UBA6: variants seen among roughly 807,000 people sequenced by gnomAD.
UBA6 encodes the protein ubiquitin-like modifier-activating enzyme 6.
In UBA6, 87 loss-of-function variants were observed where a neutral mutation model predicts 148.3. The observed-to-expected ratio is 0.59, with a 90% confidence interval of 0.49 to 0.70. UBA6 has a LOEUF of 0.70. Ranked by LOEUF, UBA6 falls within the 30% of genes least tolerant of loss-of-function variation. The probability of loss-of-function intolerance (pLI) is 0.00; values close to 1 mark genes in which losing one functional copy is unlikely to be tolerated. For synonymous variants in UBA6, 376 were observed against 401.0 expected (o/e 0.94, Z 0.75); for missense variants, 1,186 against 1,241.2 (o/e 0.96, Z 0.67).
At chr4:67,680,619 C>A (rs1227025806) in intron 4 of UBA6, among the ~76,000 whole-genome samples, 2 of 152,276 alleles carry the variant, frequency 1.3e-5, no homozygotes, top group East Asian at 3.9e-4. Flanking sequence ...TCTAACTAGA[C>A]ATTTGATGAC....
At chr4:67,700,642 T>C (rs1221236597) in intron 1 of UBA6, among the ~76,000 whole-genome samples, 1 of 152,020 alleles carries the variant, frequency 6.6e-6, no homozygotes, top group African/African-American at 2.4e-5. Flanking sequence ...AGGATCTCAG[T>C]GGAGGTGCAC....
intron 13 of UBA6, among the ~76,000 whole-genome samples, chr4:67,652,494 A>G (rs1729575514): frequency 6.6e-6 from 1 of 152,208 alleles, no homozygotes; most frequent in Admixed American, 6.5e-5. Context: ...GAGAATACAA[A>G]ACGGTACAGC....
At chr4:67,674,693 C>T (rs188920599) in intron 6 of UBA6, among the ~76,000 whole-genome samples, 3 of 152,318 alleles carry the variant, frequency 2.0e-5, no homozygotes, top group Admixed American at 1.3e-4. Context: ...CGACCCATCA[C>T]ATATTGAATC....
chr4:67,650,272 T>C (rs1364604634), intron 13 of UBA6, among the ~76,000 whole-genome samples: 1 of 152,172 alleles, frequency 6.6e-6, no homozygotes, highest in African/African-American at 2.4e-5. Flanking sequence ...ATAATTTCTA[T>C]TATACAAGTA....
intron 6 of UBA6, among the ~76,000 whole-genome samples, chr4:67,675,854 T>C (rs1008957659): frequency 3.3e-5 from 5 of 152,184 alleles, no homozygotes; most frequent in African/African-American, 9.6e-5. Flanking sequence ...CTTGGTCATA[T>C]TGAGCTGCTT....
At chr4:67,700,195 T>C (rs1730943744) in intron 1 of UBA6, among the ~76,000 whole-genome samples, 1 of 152,218 alleles carries the variant, frequency 6.6e-6, no homozygotes, top group African/African-American at 2.4e-5. Flanking sequence ...ACTCTGGCAG[T>C]GTTGGCAATG....
chr4:67,663,992 TA>T, intron 10 of UBA6, 45 bp from the exon 11 acceptor site: 8 of 1,490,190 alleles, frequency 5.4e-6, no homozygotes, highest in Non-Finnish European at 7.4e-6. Context: ...AGTGAGTGAT[TA>T]TTTGACAAAA....
chr4:67,697,110 A>T (rs1730860724), intron 1 of UBA6, among the ~76,000 whole-genome samples: 1 of 152,052 alleles, frequency 6.6e-6, no homozygotes, highest in African/African-American at 2.4e-5. Flanking sequence ...GTTTCAGACG[A>T]TTTTCATGCC....
rs563970825 is a variant in UBA6 at position 67,672,530 on chromosome 4, T to G, written c.546+1167A>C. Among the ~76,000 whole-genome samples the G allele has an allele frequency of 3.3e-5, 5 of 152,290 alleles. No homozygotes were observed. The South Asian group carries it at 1.0e-3, about 32-fold the overall frequency. ...CATACAGCAAGCCATAGTGATCCTTTAAAAATATAAAACAGATTAAAACTC... is the reference window on the plus strand; with the variant it reads ...CATACAGCAAGCCATAGTGATCCTTGAAAAATATAAAACAGATTAAAACTC... On this transcript the variant is annotated intron_variant, in intron 7 of 32. Coordinates refer to ENST00000322244, the MANE Select transcript of UBA6 (RefSeq NM_018227.6).
At chr4:67,686,069 ATTGTTAC>A (rs1427935396) in intron 2 of UBA6, among the ~76,000 whole-genome samples, 1 of 152,254 alleles carries the variant, frequency 6.6e-6, no homozygotes, top group Non-Finnish European at 1.5e-5. Context: ...CAAGTCCAGC[ATTGTTAC>A]ATTACAGCTG....
At chr4:67,648,250 C>T (rs765399583) in intron 14 of UBA6, among the ~76,000 whole-genome samples, 9 of 151,148 alleles carry the variant, frequency 6.0e-5, no homozygotes, top group African/African-American at 9.7e-5. Flanking sequence ...GGGTGGATCA[C>T]GAAGTCAGGA....
rs1198416833 is a variant in UBA6 at position 67,619,009 on chromosome 4, A to G, written c.3147T>C (p.His1049=). 3.1e-6 allele frequency: 5 copies of G among 1,613,844 alleles called. No homozygotes were observed. Among genetic ancestry groups the G allele is most frequent in the South Asian group, 1.1e-5 (1 of 91,030 alleles). The change falls in exon 33 of 33, where the codon CAT becomes CAC. Residue 1049 remains histidine, a synonymous_variant. Transcript: ENST00000322244. The stretch of plus-strand genomic sequence containing the variant: ...AAGACAACTTGTATTAATCAGTGTC[A>G]TGACTGAAGTAGTATCTTACTGGAG... ...PGPPVRYYFS[H]DTD
chr4:67,649,371 A>G (rs1219365099), intron 13 of UBA6, among the ~76,000 whole-genome samples, 160 bp from the exon 14 acceptor site: 1 of 152,114 alleles, frequency 6.6e-6, no homozygotes, highest in Non-Finnish European at 1.5e-5. Flanking sequence ...ATGATAACAG[A>G]CCCATTTGCG....
rs141650435 is a variant in UBA6, at chr4:67,648,099, T to C, written c.1248+969A>G. ...AACGGTCATCTTTAAACCAGATTTTTACTAATGTACTTGTATTCTGTGTTG... is the reference window on the plus strand; with the variant it reads ...AACGGTCATCTTTAAACCAGATTTTCACTAATGTACTTGTATTCTGTGTTG... On this transcript the variant is annotated intron_variant, in intron 14 of 32. Coordinates refer to ENST00000322244, the MANE Select transcript of UBA6 (RefSeq NM_018227.6). 9.9e-4 allele frequency among the ~76,000 whole-genome samples: 150 copies of C among 152,000 alleles called. 3 individuals carry two copies. The East Asian group carries it at 0.027, about 28-fold the overall frequency.
At chr4:67,696,749 A>C in intron 1 of UBA6, 42 bp from the exon 2 acceptor site, 2 of 1,499,046 alleles carry the variant, frequency 1.3e-6, no homozygotes, top group Non-Finnish European at 1.8e-6. Context: ...ACATTTTATA[A>C]TGTAATATTT....
At chr4:67,644,879 G>C in intron 16 of UBA6, 101 bp from the exon 17 acceptor site, 1 of 489,056 alleles carries the variant, frequency 2.0e-6, no homozygotes, top group Non-Finnish European at 3.7e-6. Flanking sequence ...CTGTTTCAAC[G>C]AAAAAAAAAA....
At chr4:67,622,775 G>T in intron 32 of UBA6, 56 bp downstream of exon 32, 1 of 1,219,602 alleles carries the variant, frequency 8.2e-7, no homozygotes, top group Non-Finnish European at 1.2e-6. Context: ...TTTTTAGTGT[G>T]CATCAACTTA....
At chr4:67,686,889 G>A (rs1730577858) in intron 2 of UBA6, among the ~76,000 whole-genome samples, 1 of 130,036 alleles carries the variant, frequency 7.7e-6, no homozygotes, top group Non-Finnish European at 1.6e-5. Flanking sequence ...AACAGTTTGA[G>A]GTTACAGAGA....
intron 27 of UBA6, among the ~76,000 whole-genome samples, chr4:67,627,768 G>A (rs1342055992): frequency 6.6e-6 from 1 of 151,342 alleles, no homozygotes; most frequent in Non-Finnish European, 1.5e-5. Context: ...TTTGCAGGGA[G>A]GTGGTCATTA....
Sources: gnomAD v4.1 joint callset for allele counts (sites outside exome capture counted in the v4.1 genomes callset) on GRCh38, gnomAD v4.1.1 for gene constraint, MANE v1.5 for transcripts, NCBI Gene and HGNC (gene_info 2026-07-23, HGNC 2026-07-21) for gene names.